The following FBXL17 variants were observed in gnomAD, a reference collection of about 807,000 sequenced individuals.
FBXL17 encodes F-box and leucine rich repeat protein 17.
A neutral mutation model predicts 66.2 loss-of-function variants in FBXL17; 22 were observed. That is an observed-to-expected ratio of 0.33 (90% CI 0.24 to 0.47). The LOEUF (loss-of-function observed/expected upper bound fraction) is 0.47, where lower values mean the gene tolerates loss of function less well. FBXL17 is among the 20% of genes least tolerant of loss of function. The pLI, the probability that FBXL17 is intolerant of heterozygous loss-of-function variation, is 1.00. For synonymous variants in FBXL17, 474 were observed against 400.5 expected (o/e 1.18, Z -2.19); for missense variants, 878 against 948.2 (o/e 0.93, Z 0.97).
intron 6 of FBXL17, among the ~76,000 whole-genome samples, chr5:108,153,355 A>C (rs1751844091): frequency 6.6e-6 from 1 of 152,252 alleles, no homozygotes; most frequent in African/African-American, 2.4e-5. Context: ...GCATTATGAT[A>C]CATGGCACTG....
chr5:107,871,601 T>G (rs1748456957), intron 8 of FBXL17, among the ~76,000 whole-genome samples: 1 of 152,192 alleles, frequency 6.6e-6, no homozygotes, highest in Admixed American at 6.5e-5. Flanking sequence ...CCACTGGCCA[T>G]GGACTTGGCC....
At chr5:108,079,551 T>C (rs1748685915) in intron 6 of FBXL17, among the ~76,000 whole-genome samples, 1 of 152,192 alleles carries the variant, frequency 6.6e-6, no homozygotes, top group South Asian at 2.1e-4. Flanking sequence ...ATCCTCTGTA[T>C]TATACAAGGA....
At chr5:108,249,255 C>T (rs565100729) in intron 4 of FBXL17, among the ~76,000 whole-genome samples, 37 of 152,018 alleles carry the variant, frequency 2.4e-4, no homozygotes, top group Admixed American at 3.3e-4. Flanking sequence ...CATGCCTTGC[C>T]CTGTTACAGC....
chr5:107,929,535 G>A (rs1467362667), intron 7 of FBXL17, among the ~76,000 whole-genome samples: 1 of 152,100 alleles, frequency 6.6e-6, no homozygotes, highest in Non-Finnish European at 1.5e-5. Flanking sequence ...AATTTATTCT[G>A]GTATTGAGAG....
chr5:108,140,592 G>A (rs1214701579), intron 6 of FBXL17, among the ~76,000 whole-genome samples: 1 of 151,958 alleles, frequency 6.6e-6, no homozygotes, highest in African/African-American at 2.4e-5. Flanking sequence ...CATTTATTGG[G>A]GTTACATGTG....
chr5:108,218,730 T>C (rs1322012943), intron 5 of FBXL17, among the ~76,000 whole-genome samples: 3 of 152,218 alleles, frequency 2.0e-5, no homozygotes, highest in Non-Finnish European at 2.9e-5. Flanking sequence ...GTATGTCTCT[T>C]TTTGAAAAAT....
chr5:108,073,236 T>TA lies in FBXL17; in HGVS notation c.1746-52236dup, dbSNP rs983674943. On this transcript the variant is annotated intron_variant, in intron 6 of 8. Coordinates refer to ENST00000542267, the MANE Select transcript of FBXL17 (RefSeq NM_001163315.3). ...AATCGGAAAAACAACTCTTGATGGA[T>TA]AAAAATCTGAACCACATTGGTTTTG... Among the ~76,000 whole-genome samples, 11 of 152,260 alleles carry TA rather than the reference T, an allele frequency of 7.2e-5. No individual in the cohort carries two copies. The South Asian group carries it at 2.1e-3, about 29-fold the overall frequency.
In FBXL17 at chr5:107,980,664, A is replaced by ATATTTT; in HGVS notation, c.1822+40260_1822+40261insAAAATA. Among the ~76,000 whole-genome samples, 26 of 62,078 alleles carry ATATTTT rather than the reference A, an allele frequency of 4.2e-4. 4 individuals carry two copies. Among genetic ancestry groups the ATATTTT allele is most frequent in the African/African-American group, 2.7e-3 (26 of 9,752 alleles). 40.7% of individuals were successfully genotyped at this position (62,078 alleles called of 152,430 possible). A position where few individuals can be genotyped will look rare whatever the true frequency, so the allele number is the denominator to read the frequency against. ...TAAAATAATATATATATATATATATATTTTTTTTTTGAGATGGAGTCTTGC... is the reference window on the plus strand; with the variant it reads ...TAAAATAATATATATATATATATATATATTTTTTTTTTTTTTGAGATGGAGTCTTGC... On this transcript the variant is annotated intron_variant, in intron 7 of 8. Transcript: ENST00000542267.
rs1748112647 is a variant in FBXL17, at chr5:107,861,284, A to T, written c.*436T>A. The T allele has an allele frequency of 6.6e-6, 1 of 152,224 alleles. No homozygotes were observed. Among genetic ancestry groups the T allele is most frequent in the Non-Finnish European group, 1.5e-5 (1 of 68,090 alleles). The allele number at this position is 152,224 out of a possible 1,614,324, so 9.4% of individuals were successfully genotyped here. The stretch of plus-strand genomic sequence containing the variant: ...ACGTGTGAATATGTGAGAGAGTGTA[A>T]GTGCCTGTACGTATAACATCACTTC... On this transcript the variant is annotated 3_prime_UTR_variant, in exon 9 of 9. Coordinates refer to ENST00000542267, the MANE Select transcript of FBXL17 (RefSeq NM_001163315.3).
At chr5:108,153,417 T>G (rs1184562974) in intron 6 of FBXL17, among the ~76,000 whole-genome samples, 1 of 152,216 alleles carries the variant, frequency 6.6e-6, no homozygotes, top group Non-Finnish European at 1.5e-5. Context: ...CTTCTTTGAA[T>G]TTAGTTTTTC....
At chr5:107,878,510 C>T (rs1180492498) in intron 8 of FBXL17, 4 of 785,852 alleles carry the variant, frequency 5.1e-6, no homozygotes, top group Non-Finnish European at 6.2e-6. Context: ...TTAGTAACTG[C>T]CCGCGGTGAC....
chr5:108,091,505 T>G (rs1267556382), intron 6 of FBXL17, among the ~76,000 whole-genome samples: 2 of 152,248 alleles, frequency 1.3e-5, no homozygotes, highest in African/African-American at 4.8e-5. Context: ...CCCATTTGGG[T>G]ACTTTATTGC....
intron 6 of FBXL17, among the ~76,000 whole-genome samples, chr5:108,140,635 T>C (rs571202622): frequency 3.0e-4 from 45 of 152,234 alleles, no homozygotes; most frequent in African/African-American, 1.1e-3. Context: ...TGAGAATATA[T>C]CCACACCCAA....
chr5:108,263,592 A>C (rs1561494848), intron 4 of FBXL17, among the ~76,000 whole-genome samples: 1 of 152,226 alleles, frequency 6.6e-6, no homozygotes, highest in Admixed American at 6.5e-5. Flanking sequence ...TTATAAATAC[A>C]GTCAAGAAAC....
intron 6 of FBXL17, among the ~76,000 whole-genome samples, chr5:108,149,843 G>A (rs1751699418): frequency 6.6e-6 from 1 of 151,834 alleles, no homozygotes; most frequent in African/African-American, 2.4e-5. Context: ...TTATTTTTCT[G>A]CTCCTAAATC....
At chr5:108,368,006 A>G in intron 1 of FBXL17, 53 bp from the exon 2 acceptor site, 1 of 1,485,970 alleles carries the variant, frequency 6.7e-7, no homozygotes, top group Non-Finnish European at 9.0e-7. Flanking sequence ...TTCAAGGCAC[A>G]GGAAAAGGTT....
chr5:108,341,382 C>A (rs986170019), intron 4 of FBXL17, among the ~76,000 whole-genome samples: 2 of 152,006 alleles, frequency 1.3e-5, no homozygotes, highest in Non-Finnish European at 2.9e-5. Context: ...AGCAGTTGCT[C>A]TGGAAGGGAA....
At chr5:107,987,315 A>C (rs188275) in intron 7 of FBXL17, among the ~76,000 whole-genome samples, 21,666 of 151,454 alleles carry the variant, frequency 0.14, 1,961 homozygotes, top group East Asian at 0.3. Context: ...TTTAACCAAC[A>C]ATCACCTTTT....
At chr5:108,297,294 T>G (rs895871476) in intron 4 of FBXL17, among the ~76,000 whole-genome samples, 7 of 151,690 alleles carry the variant, frequency 4.6e-5, no homozygotes, top group African/African-American at 1.4e-4. Context: ...CTGGTGAATT[T>G]TATGAGAAGT....
Sources: allele counts gnomAD v4.1 joint callset (sites outside exome capture counted in the v4.1 genomes callset), GRCh38; gene constraint gnomAD v4.1.1; transcripts MANE v1.5; gene names NCBI Gene and HGNC (gene_info 2026-07-23, HGNC 2026-07-21).